RAB38: variants seen among roughly 807,000 people sequenced by gnomAD.
The protein encoded by RAB38 is ras-related protein Rab-38.
In RAB38, 15 loss-of-function variants were observed where a neutral mutation model predicts 18.4. The ratio of observed to expected loss-of-function variants is 0.82; its 90% CI spans 0.55 to 1.26. The LOEUF is 1.26. Ranked by LOEUF, RAB38 falls within the 50% of genes most tolerant of loss-of-function variation. The pLI is 0.00. For missense variants in RAB38, 294 were observed against 267.4 expected, an observed-to-expected ratio of 1.10 and a Z score of -0.69; for synonymous variants, 101 against 104.4, an observed-to-expected ratio of 0.97 and a Z score of 0.20.
the RAB38 span, among the ~76,000 whole-genome samples, chr11:87,932,810 C>G: frequency 3.9e-5 from 6 of 152,090 alleles, no homozygotes; most frequent in African/African-American, 1.4e-4. Flanking sequence ...GTGTCCCAGG[C>G]TTCAAACTGT....
chr11:87,976,721 T>A, the RAB38 span, among the ~76,000 whole-genome samples: 1 of 115,746 alleles, frequency 8.6e-6, no homozygotes, highest in Non-Finnish European at 1.6e-5. Flanking sequence ...TATATTTCTA[T>A]ATATTTTATA....
chr11:88,155,422 G>A (rs1381193698), intron 1 of RAB38, among the ~76,000 whole-genome samples: 8 of 151,928 alleles, frequency 5.3e-5, no homozygotes, highest in Non-Finnish European at 1.5e-5. Flanking sequence ...GCAGAAAGAA[G>A]TACATAAGGC....
chr11:87,904,038 T>A, the RAB38 span, among the ~76,000 whole-genome samples: 1 of 151,756 alleles, frequency 6.6e-6, no homozygotes, highest in Non-Finnish European at 1.5e-5. Flanking sequence ...TGTGGTTTTA[T>A]TTTTATTATA....
At chr11:87,888,028 C>T in the RAB38 span, among the ~76,000 whole-genome samples, 1 of 151,342 alleles carries the variant, frequency 6.6e-6, no homozygotes, top group African/African-American at 2.4e-5. Flanking sequence ...TTTTTTTTTC[C>T]AAGCCCCAGA....
At chr11:87,818,759 T>TA in the RAB38 span, among the ~76,000 whole-genome samples, 1 of 152,046 alleles carries the variant, frequency 6.6e-6, no homozygotes, top group African/African-American at 2.4e-5. Context: ...GTAGGAATGT[T>TA]AAAAAATAAA....
At chr11:88,091,612 C>T in the RAB38 span, among the ~76,000 whole-genome samples, 1 of 151,944 alleles carries the variant, frequency 6.6e-6, no homozygotes, top group Non-Finnish European at 1.5e-5. Flanking sequence ...TGCCTCTTTG[C>T]GGATCAAGAC....
chr11:87,813,400 C>T, the RAB38 span, among the ~76,000 whole-genome samples: 1 of 151,678 alleles, frequency 6.6e-6, no homozygotes, highest in Non-Finnish European at 1.5e-5. Context: ...GGTAGATAAC[C>T]AAGACAGGGA....
At chr11:88,159,397 G>C (rs1020630580) in intron 1 of RAB38, among the ~76,000 whole-genome samples, 4 of 148,908 alleles carry the variant, frequency 2.7e-5, no homozygotes, top group Non-Finnish European at 1.5e-5. Flanking sequence ...TTGTTAAAAT[G>C]GCCACACTGC....
At chr11:87,910,428 A>G in the RAB38 span, among the ~76,000 whole-genome samples, 1 of 151,888 alleles carries the variant, frequency 6.6e-6, no homozygotes, top group African/African-American at 2.4e-5. Context: ...TTCTTTTAGC[A>G]GCGACTTTTG....
chr11:87,932,925 G>C, the RAB38 span, among the ~76,000 whole-genome samples: 1 of 152,074 alleles, frequency 6.6e-6, no homozygotes, highest in Non-Finnish European at 1.5e-5. Flanking sequence ...TCTTAATTTA[G>C]AGTCAAGTCA....
At chr11:88,120,729 T>C (rs1942618246) in intron 2 of RAB38, among the ~76,000 whole-genome samples, 1 of 152,152 alleles carries the variant, frequency 6.6e-6, no homozygotes, top group South Asian at 2.1e-4. Flanking sequence ...ATTCTTTAGA[T>C]GTCAAAGTGT....
chr11:87,946,278 T>C, the RAB38 span, among the ~76,000 whole-genome samples: 26 of 152,266 alleles, frequency 1.7e-4, no homozygotes, highest in Non-Finnish European at 3.7e-4. Flanking sequence ...GATGATACGC[T>C]GTCACCTCTA....
chr11:87,974,055 G>A, the RAB38 span, among the ~76,000 whole-genome samples: 5 of 151,870 alleles, frequency 3.3e-5, no homozygotes, highest in Admixed American at 2.0e-4. Flanking sequence ...CCCCTACCAT[G>A]TATCATCAAC....
At chr11:88,118,283 T>C (rs556293161) in intron 2 of RAB38, among the ~76,000 whole-genome samples, 1 of 152,350 alleles carries the variant, frequency 6.6e-6, no homozygotes, top group East Asian at 1.9e-4. Context: ...CTGGTCTTTC[T>C]GACTTTCTAT....
chr11:88,113,128 T>C (rs1158561967), downstream of RAB38: 3 of 152,092 alleles, frequency 2.0e-5, no homozygotes, highest in African/African-American at 7.3e-5. Flanking sequence ...TCTTTAAGCA[T>C]ACATTTCTCA....
the RAB38 span, among the ~76,000 whole-genome samples, chr11:87,941,739 T>G: frequency 6.6e-6 from 1 of 152,176 alleles, no homozygotes; most frequent in African/African-American, 2.4e-5. Flanking sequence ...TTTAAAAAAT[T>G]ACTGAGGCTT....
the RAB38 span, among the ~76,000 whole-genome samples, chr11:88,048,806 C>T: frequency 2.6e-4 from 39 of 152,256 alleles, no homozygotes; most frequent in African/African-American, 6.0e-4. Flanking sequence ...ATCCCCAAAC[C>T]GCCACTCTAA....
chr11:87,902,784 G>A, the RAB38 span, among the ~76,000 whole-genome samples: 3 of 150,822 alleles, frequency 2.0e-5, no homozygotes, highest in Non-Finnish European at 4.4e-5. Flanking sequence ...GCTTTCAAAT[G>A]ATATTTTAAA....
the RAB38 span, among the ~76,000 whole-genome samples, chr11:87,821,031 G>T: frequency 4.6e-5 from 7 of 152,176 alleles, no homozygotes; most frequent in African/African-American, 1.2e-4. Context: ...TATCATCAGG[G>T]TTCCAAGAGG....
Sources: allele counts gnomAD v4.1 joint callset (sites outside exome capture counted in the v4.1 genomes callset), GRCh38; gene constraint gnomAD v4.1.1; transcripts MANE v1.5; gene names NCBI Gene and HGNC (gene_info 2026-07-23, HGNC 2026-07-21).